Variants in PCDHA2 observed in about 807,000 individuals in gnomAD.
PCDHA2 encodes the protein protocadherin alpha 2.
In PCDHA2, 58 loss-of-function variants were observed where a neutral mutation model predicts 66.0. The observed-to-expected ratio is 0.88, with a 90% CI of 0.71 to 1.09. PCDHA2 has a LOEUF of 1.09. Among genes scored for constraint, PCDHA2 ranks in the 50% least tolerant of loss-of-function variants. The pLI, the probability that PCDHA2 is intolerant of heterozygous loss-of-function variation, is 0.00. For synonymous variants in PCDHA2, 634 were observed against 554.0 expected (o/e 1.14, Z -2.03); for missense variants, 1,267 against 1,242.3 (o/e 1.02, Z -0.30).
chr5:140,957,159 C>G (rs2095337596), intron 1 of PCDHA2, among the ~76,000 whole-genome samples: 1 of 151,974 alleles, frequency 6.6e-6, no homozygotes, highest in Non-Finnish European at 1.5e-5. Flanking sequence ...GGAGACAAAT[C>G]TAAGTATATA....
chr5:140,928,989 A>T (rs1554206541), intron 1 of PCDHA2: 1 of 1,613,824 alleles, frequency 6.2e-7, no homozygotes, highest in Non-Finnish European at 8.5e-7. Context: ...TGGGGTGCTT[A>T]CTTTTCTTCG....
Position 141,009,792 on chromosome 5 carries a change from C to G in PCDHA2, c.2702C>G (p.Pro901Arg), listed in dbSNP as rs1359138927. ...SPAIISIRQEPTNSQIDKSDF... is the reference protein window; with the variant it reads ...SPAIISIRQERTNSQIDKSDF... ...GCAATCATCTCCATCCGGCAGGAGC[C>G]TACTAACAGCCAAATTGACAAAAGT... The change falls in exon 4 of 4, where the codon CCT (proline) becomes CGT (arginine). Residue 901 changes from proline (P) to arginine (R), a missense_variant. Physicochemically the swap from Pro to Arg is moderately radical, Grantham distance 103. Coordinates refer to ENST00000526136, the MANE Select transcript of PCDHA2 (RefSeq NM_018905.3). The G allele has an allele frequency of 4.3e-6, 7 of 1,613,950 alleles. 1 individual carries two copies. Among genetic ancestry groups the G allele is most frequent in the Middle Eastern group, 3.3e-4 (2 of 6,084 alleles).
intron 1 of PCDHA2, chr5:140,828,163 G>T (rs1244863106): frequency 1.9e-6 from 3 of 1,614,068 alleles, no homozygotes; most frequent in Non-Finnish European, 2.5e-6. Context: ...TCGCAGCCTG[G>T]AAGGTGGGGA....
chr5:140,901,020 C>G (rs528406801), intron 1 of PCDHA2, among the ~76,000 whole-genome samples: 2 of 152,262 alleles, frequency 1.3e-5, no homozygotes, highest in African/African-American at 4.8e-5. Flanking sequence ...TGAGAAACAT[C>G]TATTCAACTC....
intron 1 of PCDHA2, chr5:140,821,797 A>G: frequency 6.2e-7 from 1 of 1,613,014 alleles, no homozygotes; most frequent in Non-Finnish European, 8.5e-7. Context: ...CCGGAGAGGA[A>G]GTCTGGGATC....
intron 1 of PCDHA2, among the ~76,000 whole-genome samples, chr5:140,906,476 G>A (rs1284528767): frequency 1.3e-5 from 2 of 152,192 alleles, no homozygotes; most frequent in African/African-American, 4.8e-5. Context: ...TAGTACAAAT[G>A]TATAAATGCA....
chr5:140,826,267 G>A (rs1263304586), intron 1 of PCDHA2, among the ~76,000 whole-genome samples: 1 of 152,096 alleles, frequency 6.6e-6, no homozygotes, highest in Non-Finnish European at 1.5e-5. Flanking sequence ...AAGTCTTTAT[G>A]TATATTTTGT....
chr5:140,868,771 A>G lies in PCDHA2; in HGVS notation c.2388+71419A>G, dbSNP rs986240016. 2.7e-4 allele frequency: 70 copies of G among 257,218 alleles called. No individual in the cohort carries two copies. In the Middle Eastern group the frequency reaches 5.2e-3, roughly 19 times the overall value. The allele number at this position is 257,218 out of a possible 1,614,324, so 15.9% of individuals were successfully genotyped here. ...ATTTCCATATATATTTAGTTTCAAT[A>G]TGACTTATAATCTGAATATTCCATA... is the stretch of plus-strand genomic sequence containing the variant. On this transcript the variant is annotated intron_variant, in intron 1 of 3. Coordinates refer to ENST00000526136, the MANE Select transcript of PCDHA2 (RefSeq NM_018905.3).
chr5:140,923,242 C>T (rs1302368115), intron 1 of PCDHA2, among the ~76,000 whole-genome samples: 1 of 151,762 alleles, frequency 6.6e-6, no homozygotes, highest in Non-Finnish European at 1.5e-5. Flanking sequence ...AAGTTTGAGA[C>T]CAGCTGGGCA....
chr5:140,861,339 C>A lies in PCDHA2; in HGVS notation c.2388+63987C>A. ...TTCCACTACACCATCCTGGAAGAGG[C>A]CAAGGACGGCACATAGCGTCTTCGC... On this transcript the variant is annotated intron_variant, in intron 1 of 3. Transcript: ENST00000526136. 4 of 274,788 alleles carry A rather than the reference C, an allele frequency of 1.5e-5. No homozygotes were observed. The South Asian group carries it at 1.7e-4, about 12-fold the overall frequency. The allele number at this position is 274,788 out of a possible 1,614,324, so 17.0% of individuals were successfully genotyped here.
At chr5:140,973,414 C>G (rs992904408) in intron 1 of PCDHA2, among the ~76,000 whole-genome samples, 1 of 152,204 alleles carries the variant, frequency 6.6e-6, no homozygotes, top group Non-Finnish European at 1.5e-5. Flanking sequence ...GCTTCCACTC[C>G]AGTTTTTCAT....
chr5:140,843,455 G>C, intron 1 of PCDHA2: 1 of 1,596,110 alleles, frequency 6.3e-7, no homozygotes, highest in Non-Finnish European at 8.6e-7. Context: ...CAGCCTGCTG[G>C]TGCTCACGCT....
intron 1 of PCDHA2, chr5:140,968,109 A>G (rs2096220086): frequency 6.2e-7 from 1 of 1,614,046 alleles, no homozygotes; most frequent in African/African-American, 1.3e-5. Context: ...GGAATACCGC[A>G]GCTCACATCC....
intron 1 of PCDHA2, chr5:140,804,513 C>T (rs1763402270): frequency 6.6e-6 from 1 of 152,026 alleles, no homozygotes; most frequent in South Asian, 2.1e-4. Context: ...TTAAAACTAT[C>T]CCTACTAGCA....
chr5:140,845,764 A>C lies in PCDHA2; in HGVS notation c.2388+48412A>C, dbSNP rs2150380946. 2.6e-4 allele frequency among the ~76,000 whole-genome samples: 39 copies of C among 149,790 alleles called. 2 individuals carry two copies. Among genetic ancestry groups the C allele is most frequent in the African/African-American group, 9.3e-4 (38 of 40,978 alleles). ...TAGATTTATTTGTATCAAGTAAGTT[A>C]ATAGTTATAAATTATTAATAATAAA... On this transcript the variant is annotated intron_variant, in intron 1 of 3. Transcript: ENST00000526136.
chr5:140,849,665 G>T (rs1255665975), intron 1 of PCDHA2: 1 of 1,598,534 alleles, frequency 6.3e-7, no homozygotes, highest in East Asian at 2.2e-5. Flanking sequence ...GCTCCCTGAC[G>T]CCCCACGTCC....
At chr5:140,969,260 C>G (rs782595245) in intron 1 of PCDHA2, 1 of 1,614,228 alleles carries the variant, frequency 6.2e-7, no homozygotes, top group South Asian at 1.1e-5. Context: ...CAGCAGGAAT[C>G]TCACAGGCCA....
intron 1 of PCDHA2, chr5:140,927,184 G>A (rs781951426): frequency 1.2e-6 from 2 of 1,614,160 alleles, no homozygotes; most frequent in South Asian, 1.1e-5. Context: ...CTTGACCTAC[G>A]ACCTGGTGCT....
rs199624636 is a variant in PCDHA2, at chr5:141,009,721, C to T, written c.2631C>T (p.Ser877=). The change falls in exon 4 of 4, where the codon TCC becomes TCT. Residue 877 remains serine (S), a synonymous_variant. Coordinates refer to ENST00000526136, the MANE Select transcript of PCDHA2 (RefSeq NM_018905.3). ...FKYGPGNPKQ[S]GPGELPDKFI... ...ACGGACCAGGCAACCCCAAACAATCCGGTCCCGGTGAGTTGCCCGACAAAT... is the reference window on the plus strand; with the variant it reads ...ACGGACCAGGCAACCCCAAACAATCTGGTCCCGGTGAGTTGCCCGACAAAT... 1.3e-5 allele frequency: 21 copies of T among 1,614,012 alleles called. No individual in the cohort carries two copies. The highest frequency in any genetic ancestry group is 1.7e-5 in the Non-Finnish European group (20 of 1,180,038).
Sources: allele counts gnomAD v4.1 joint callset (sites outside exome capture counted in the v4.1 genomes callset), GRCh38; gene constraint gnomAD v4.1.1; transcripts MANE v1.5; gene names NCBI Gene and HGNC (gene_info 2026-07-23, HGNC 2026-07-21).